Variants in JMJD1C observed in about 807,000 individuals in gnomAD.
JMJD1C encodes the protein jumonji domain-containing protein 1C.
JMJD1C carries 31 observed loss-of-function variants against 245.3 expected under a neutral mutation model. The observed-to-expected ratio is 0.13, with a 90% CI of 0.09 to 0.17. The LOEUF (loss-of-function observed/expected upper bound fraction) is 0.17, where lower values mean the gene tolerates loss of function less well. Among genes scored for constraint, JMJD1C ranks in the 10% least tolerant of loss-of-function variants. JMJD1C has a pLI of 1.00. For missense variants in JMJD1C, 2,691 were observed against 3,000.2 expected (o/e 0.90, Z 2.41); for synonymous variants, 1,057 against 1,017.4 (o/e 1.04, Z -0.74).
chr10:63,473,336 CG>C lies in JMJD1C; in HGVS notation n.113+48401del, dbSNP rs1953553930. On this transcript the variant is annotated intron_variant and non_coding_transcript_variant, in intron 1 of 3. Coordinates refer to the JMJD1C transcript ENST00000633035. ...TCTTGGCTCACTGCAACCTCTGCCT[CG>C]GAAGTTCAAGCAGTTCTCCTGCCTC... Among the ~76,000 whole-genome samples the C allele has an allele frequency of 2.0e-5, 3 of 152,134 alleles. No homozygotes were observed. In the South Asian group the frequency reaches 6.2e-4, roughly 32 times the overall value.
intron 2 of JMJD1C, among the ~76,000 whole-genome samples, chr10:63,370,035 T>C (rs1013669451): frequency 6.6e-6 from 1 of 152,166 alleles, no homozygotes. Flanking sequence ...CCAGTAAAAC[T>C]GGAAAATCAA....
intron 2 of JMJD1C, 96 bp downstream of exon 2, chr10:63,380,222 G>A (rs753299788): frequency 1.9e-5 from 23 of 1,199,196 alleles, no homozygotes; most frequent in South Asian, 7.3e-5. Flanking sequence ...AGTTTTACAG[G>A]TGTCAGTCAC....
chr10:63,203,855 C>CT (rs1159999771), intron 10 of JMJD1C: 1 of 981,356 alleles, frequency 1.0e-6, no homozygotes, highest in Non-Finnish European at 1.2e-6. Flanking sequence ...GTAAGCCTAA[C>CT]TCATTCTTTT....
At chr10:63,440,419 C>T (rs575348121) in intron 1 of JMJD1C, among the ~76,000 whole-genome samples, 4 of 150,038 alleles carry the variant, frequency 2.7e-5, no homozygotes, top group African/African-American at 9.8e-5. Flanking sequence ...GAAGGAGAGT[C>T]GATTAAGGAA....
chr10:63,484,698 T>G (rs1369842763), intron 1 of JMJD1C, among the ~76,000 whole-genome samples: 2 of 152,090 alleles, frequency 1.3e-5, no homozygotes, highest in Non-Finnish European at 2.9e-5. Context: ...TAAAAAAAAT[T>G]GGCACTATCC....
chr10:63,424,184 C>T (rs1257184153), intron 1 of JMJD1C, among the ~76,000 whole-genome samples: 1 of 151,544 alleles, frequency 6.6e-6, no homozygotes, highest in Non-Finnish European at 1.5e-5. Context: ...ACCTCAGCCT[C>T]CTGAGTAGCA....
rs370556344 is a variant in JMJD1C at position 63,521,572 on chromosome 10, C to G, written n.113+166G>C. The stretch of plus-strand genomic sequence containing the variant: ...TGGTGTCCTGGATGATCTCCAGAGC[C>G]GTGGTGTAAGTGCCTCTCACTGCGC... On this transcript the variant is annotated intron_variant and non_coding_transcript_variant, in intron 1 of 3. Coordinates refer to the JMJD1C transcript ENST00000633035. 1,179 of 1,433,826 alleles carry G rather than the reference C, an allele frequency of 8.2e-4. 2 individuals are homozygous for G. Among genetic ancestry groups the G allele is most frequent in the Non-Finnish European group, 1.0e-3 (1,079 of 1,082,774 alleles). 88.8% of individuals were successfully genotyped at this position (1,433,826 alleles called of 1,614,324 possible). A position where few individuals can be genotyped will look rare whatever the true frequency, so the allele number is the denominator to read the frequency against.
rs1289435997 is a variant in JMJD1C, at chr10:63,396,929, GTTT to G, written c.169-16450_169-16448del. 7.7e-5 allele frequency among the ~76,000 whole-genome samples: 10 copies of G among 130,122 alleles called. No individual in the cohort carries two copies. In the East Asian group the frequency reaches 2.0e-3, roughly 26 times the overall value. The allele number at this position is 130,122 out of a possible 152,430, so 85.4% of individuals were successfully genotyped here. ...CACGTTCAAGAAGAACTGGTTTTTG[GTTT>G]TTTTTTTTTTTTTTGAGACAGGGTC... On this transcript the variant is annotated intron_variant, in intron 1 of 25. Coordinates refer to ENST00000399262, the MANE Select transcript of JMJD1C (RefSeq NM_032776.3).
At chr10:63,459,745 A>C (rs1424388824) in intron 1 of JMJD1C, among the ~76,000 whole-genome samples, 1 of 152,226 alleles carries the variant, frequency 6.6e-6, no homozygotes, top group Non-Finnish European at 1.5e-5. Context: ...GAGTGGAATG[A>C]AATATTACCA....
chr10:63,211,240 G>A (rs945021284), intron 8 of JMJD1C, among the ~76,000 whole-genome samples: 14 of 151,996 alleles, frequency 9.2e-5, no homozygotes, highest in South Asian at 6.2e-4. Flanking sequence ...CGAGACAGGC[G>A]GATCACTTGA....
chr10:63,329,158 T>C (rs1046553225), intron 2 of JMJD1C, among the ~76,000 whole-genome samples: 2 of 151,910 alleles, frequency 1.3e-5, no homozygotes, highest in Non-Finnish European at 2.9e-5. Context: ...GGCATGCGCC[T>C]ATAATCCCAG....
intron 13 of JMJD1C, 42 bp from the exon 14 acceptor site, chr10:63,194,417 T>C (rs372582343): frequency 4.3e-5 from 55 of 1,267,726 alleles, no homozygotes; most frequent in Non-Finnish European, 6.0e-5. Flanking sequence ...CATGGTTTCA[T>C]AATTATAAAT....
At chr10:63,234,137 T>A (rs1850356218) in intron 3 of JMJD1C, among the ~76,000 whole-genome samples, 1 of 152,106 alleles carries the variant, frequency 6.6e-6, no homozygotes, top group Non-Finnish European at 1.5e-5. Context: ...AATACTCACA[T>A]TAAAAGGTGG....
intron 1 of JMJD1C, among the ~76,000 whole-genome samples, chr10:63,394,457 A>T (rs751974442): frequency 2.6e-5 from 4 of 152,254 alleles, no homozygotes; most frequent in Non-Finnish European, 4.4e-5. Flanking sequence ...ACTTACACGT[A>T]TAAGGTAAAA....
Position 63,213,551 on chromosome 10 carries a change from T to A in JMJD1C, c.2616A>T (p.Ala872=). 1.2e-6 allele frequency: 2 copies of A among 1,613,552 alleles called. No individual in the cohort carries two copies. The highest frequency in any genetic ancestry group is 2.2e-5 in the South Asian group (2 of 91,090). Residue 872 remains alanine (A), a synonymous_variant, in exon 8 of 26, where the codon GCA becomes GCT. Coordinates refer to ENST00000399262, the MANE Select transcript of JMJD1C (RefSeq NM_032776.3). ...AAGAAGGCAAACCAAGTCCTGAGTATGCATGTGTTCCATTTGGATACTGCC... is the reference window on the plus strand; with the variant it reads ...AAGAAGGCAAACCAAGTCCTGAGTAAGCATGTGTTCCATTTGGATACTGCC... ...IIWQYPNGTH[A]YSGLGLPSSK... is the part of the protein sequence containing the mutation.
intron 3 of JMJD1C, among the ~76,000 whole-genome samples, chr10:63,235,819 T>G (rs992961672): frequency 1.3e-5 from 2 of 152,172 alleles, no homozygotes; most frequent in African/African-American, 4.8e-5. Context: ...GCTTGCATAA[T>G]CAAAATTTTG....
intron 1 of JMJD1C, among the ~76,000 whole-genome samples, chr10:63,508,510 C>T (rs1303475002): frequency 2.0e-5 from 3 of 152,100 alleles, no homozygotes; most frequent in African/African-American, 7.2e-5. Flanking sequence ...TCTTGATAGC[C>T]ACAAAGTAAC....
At chr10:63,331,640 T>C (rs1446334070) in intron 2 of JMJD1C, among the ~76,000 whole-genome samples, 3 of 152,164 alleles carry the variant, frequency 2.0e-5, no homozygotes, top group African/African-American at 7.2e-5. Flanking sequence ...ATTGAGCCAG[T>C]CTCGCTCTGT....
intron 3 of JMJD1C, among the ~76,000 whole-genome samples, chr10:63,223,843 TC>T (rs1458856977): frequency 6.6e-6 from 1 of 152,104 alleles, no homozygotes; most frequent in East Asian, 1.9e-4. Flanking sequence ...AACCTCCACC[TC>T]CCGGGTTCAA....
Sources: allele counts gnomAD v4.1 joint callset (sites outside exome capture counted in the v4.1 genomes callset), GRCh38; gene constraint gnomAD v4.1.1; transcripts MANE v1.5; gene names NCBI Gene and HGNC (gene_info 2026-07-23, HGNC 2026-07-21).